Variants in CEP164 observed in about 807,000 individuals in gnomAD.
CEP164 encodes the protein centrosomal protein 164, also known as centrosomal protein of 164 kDa.
CEP164 carries 162 observed loss-of-function variants against 182.7 expected under a neutral mutation model. That is an observed-to-expected ratio of 0.89 (90% CI 0.78 to 1.01). CEP164 has a LOEUF of 1.01. Among genes scored for constraint, CEP164 ranks in the 50% least tolerant of loss-of-function variants. The probability of loss-of-function intolerance (pLI) is 0.00; values close to 1 mark genes in which losing one functional copy is unlikely to be tolerated. For synonymous variants in CEP164, 661 were observed against 690.0 expected (o/e 0.96, Z 0.66); for missense variants, 1,735 against 1,790.4 (o/e 0.97, Z 0.56).
chr11:117,347,804 C>G (rs570923036), intron 4 of CEP164, among the ~76,000 whole-genome samples: 2 of 151,970 alleles, frequency 1.3e-5, no homozygotes, highest in Admixed American at 1.3e-4. Flanking sequence ...AAATTGACAT[C>G]TTAAACAATA....
Position 117,395,532 on chromosome 11 carries a change from TC to T in CEP164, c.2914-13del. 1 of 1,600,296 alleles carries T rather than the reference TC, an allele frequency of 6.2e-7. No individual in the cohort carries two copies. Among genetic ancestry groups the T allele is most frequent in the South Asian group, 1.1e-5 (1 of 88,524 alleles). The stretch of plus-strand genomic sequence containing the variant: ...TGCTGTCTCTGGGTGCTTCTATCTT[TC>T]CTTTTGCCCCTAGGAAGCCACAGCC... On this transcript the variant is annotated splice_polypyrimidine_tract_variant and intron_variant, in intron 23 of 32. Coordinates refer to ENST00000278935, the MANE Select transcript of CEP164 (RefSeq NM_014956.5).
intron 11 of CEP164, among the ~76,000 whole-genome samples, chr11:117,378,481 T>G (rs1324256049): frequency 6.6e-6 from 1 of 152,230 alleles, no homozygotes; most frequent in African/African-American, 2.4e-5. Flanking sequence ...TACCATATTC[T>G]TTTTGTTGGC....
At chr11:117,389,050 G>A (rs189289701) in intron 15 of CEP164, among the ~76,000 whole-genome samples, 41 of 152,218 alleles carry the variant, frequency 2.7e-4, no homozygotes, top group African/African-American at 9.4e-4. Flanking sequence ...GATTACAGGC[G>A]TGAGCCACTG....
intron 3 of CEP164, among the ~76,000 whole-genome samples, chr11:117,340,950 C>T (rs977997425): frequency 2.0e-5 from 3 of 152,184 alleles, no homozygotes; most frequent in Admixed American, 6.5e-5. Context: ...TCTCAGACTC[C>T]CAAGTAGCTG....
At chr11:117,339,522 G>GTTTTTTTTT (rs61258101) in intron 3 of CEP164, among the ~76,000 whole-genome samples, 2 of 56,186 alleles carry the variant, frequency 3.6e-5, no homozygotes, top group Non-Finnish European at 6.2e-5. Context: ...TTTGTTTTTT[G>GTTTTTTTTT]TTTTTTTTTT....
chr11:117,356,628 TAGTG>T, intron 5 of CEP164: 2 of 1,279,044 alleles, frequency 1.6e-6, no homozygotes, highest in Non-Finnish European at 1.0e-6. Flanking sequence ...GTAGGCTTCT[TAGTG>T]AGCATGGCCT....
chr11:117,351,933 A>AG lies in CEP164; in HGVS notation c.338_339insG (p.Glu117GlyfsTer88). On this transcript the variant is annotated frameshift_variant, in exon 5 of 33. Coordinates refer to ENST00000278935, the MANE Select transcript of CEP164 (RefSeq NM_014956.5). LOFTEE classifies it high-confidence loss of function. ...ACTTCTGGGGCCATTAAGAAGAAGA[A>AG]AAAAAAAAAGGAAAAGAAAGACAAG... 1 of 1,571,470 alleles carries AG rather than the reference A, an allele frequency of 6.4e-7. No individual in the cohort carries two copies. Among genetic ancestry groups the AG allele is most frequent in the Non-Finnish European group, 8.7e-7 (1 of 1,146,948 alleles).
intron 12 of CEP164, 26 bp from the exon 13 acceptor site, chr11:117,381,675 T>C: frequency 5.6e-6 from 9 of 1,595,904 alleles, no homozygotes; most frequent in Non-Finnish European, 6.8e-6. Flanking sequence ...GGGGCCTGAC[T>C]CTGCTGCTCT....
At chr11:117,352,109 G>C in intron 5 of CEP164, 121 bp downstream of exon 5, 1 of 816,734 alleles carries the variant, frequency 1.2e-6, no homozygotes, top group East Asian at 2.7e-5. Context: ...GTAAATTCTT[G>C]ATAGTATATC....
chr11:117,322,410 G>A (rs1002956589), intron 1 of CEP164, among the ~76,000 whole-genome samples: 4 of 152,140 alleles, frequency 2.6e-5, no homozygotes, highest in Middle Eastern at 3.4e-3. Context: ...CACCGCGCCC[G>A]GCCCACATTA....
chr11:117,339,057 G>T (rs2037658604), intron 3 of CEP164, among the ~76,000 whole-genome samples: 1 of 152,012 alleles, frequency 6.6e-6, no homozygotes, highest in Admixed American at 6.6e-5. Flanking sequence ...ACCTCAAGCG[G>T]TTTGCCTGCC....
At chr11:117,371,795 CT>C (rs34338708) in intron 9 of CEP164, among the ~76,000 whole-genome samples, 24 of 138,366 alleles carry the variant, frequency 1.7e-4, no homozygotes, top group Non-Finnish European at 2.8e-4. Flanking sequence ...CCCTCTTGTA[CT>C]TTTTTTTTTT....
At chr11:117,355,169 C>T in intron 5 of CEP164, 1 of 1,289,834 alleles carries the variant, frequency 7.8e-7, no homozygotes, top group South Asian at 1.2e-5. Flanking sequence ...CCAAATCCAC[C>T]AGGTCTTTGC....
At chr11:117,344,723 T>G (rs2135264346) in intron 4 of CEP164, among the ~76,000 whole-genome samples, 3 of 152,268 alleles carry the variant, frequency 2.0e-5, no homozygotes, top group Middle Eastern at 6.8e-3. Context: ...GGTCAGGAAT[T>G]CGAGACCAGC....
intron 5 of CEP164, chr11:117,356,755 C>A: frequency 1.2e-6 from 1 of 827,656 alleles, no homozygotes; most frequent in Non-Finnish European, 1.6e-6. Context: ...CCTTTAACTA[C>A]CCAAATGGCC....
In CEP164 at chr11:117,381,855, C is replaced by T; in HGVS notation, c.1564C>T (p.Leu522=). ...CTCTGCAGCCAGCCTCAGCCTGCAG[C>T]TGTCCCTCCAGAGGTAAGGATGAGG... ...EDSAASLSLQ[L]SLQREQAPSP... Residue 522 remains leucine, a synonymous_variant, in exon 13 of 33, where the codon CTG becomes TTG. Coordinates refer to ENST00000278935, the MANE Select transcript of CEP164 (RefSeq NM_014956.5). 6.6e-7 allele frequency: 1 copy of T among 1,515,018 alleles called. No homozygotes were observed. Among genetic ancestry groups the T allele is most frequent in the Non-Finnish European group, 8.8e-7 (1 of 1,130,460 alleles). 93.8% of individuals were successfully genotyped at this position (1,515,018 alleles called of 1,614,324 possible). A position where few individuals can be genotyped will look rare whatever the true frequency, so the allele number is the denominator to read the frequency against.
rs200185662 is a variant in CEP164, at chr11:117,396,286, A to AG, written c.3216+110dup. 2,101 of 1,311,598 alleles carry AG rather than the reference A, an allele frequency of 1.6e-3. 30 individuals carry two copies. The African/African-American group carries it at 0.028, about 17-fold the overall frequency. 81.2% of individuals were successfully genotyped at this position (1,311,598 alleles called of 1,614,324 possible). ...CTTCCAGAGGGGACAGCTCATCAGG[A>AG]GGGGTGGAGCCTCAGGAGGGGAGGA... On this transcript the variant is annotated intron_variant, in intron 25 of 32. Coordinates refer to ENST00000278935, the MANE Select transcript of CEP164 (RefSeq NM_014956.5).
intron 15 of CEP164, among the ~76,000 whole-genome samples, chr11:117,389,190 A>T (rs2044306308): frequency 6.6e-6 from 1 of 152,162 alleles, no homozygotes; most frequent in South Asian, 2.1e-4. Context: ...TTGTCTTCCG[A>T]ATCACGTTTT....
At chr11:117,352,224 A>G (rs912886090) in intron 5 of CEP164, among the ~76,000 whole-genome samples, 1 of 152,080 alleles carries the variant, frequency 6.6e-6, no homozygotes. Flanking sequence ...TGGGAAGTGC[A>G]TGTTACCTAA....
Sources: allele counts gnomAD v4.1 joint callset (sites outside exome capture counted in the v4.1 genomes callset), GRCh38; gene constraint gnomAD v4.1.1; transcripts MANE v1.5; gene names NCBI Gene and HGNC (gene_info 2026-07-23, HGNC 2026-07-21).